Variants in MDGA2 observed in about 807,000 individuals in gnomAD.
MDGA2 encodes MAM domain containing glycosylphosphatidylinositol anchor 2, also known as MAM domain-containing glycosylphosphatidylinositol anchor protein 2.
MDGA2 carries 40 observed loss-of-function variants against 117.8 expected under a neutral mutation model. The ratio of observed to expected loss-of-function variants is 0.34; its 90% CI spans 0.26 to 0.44. The LOEUF is 0.44. MDGA2 is among the 20% of genes least tolerant of loss of function. MDGA2 has a pLI of 1.00. For missense variants in MDGA2, 1,123 were observed against 1,250.6 expected, an observed-to-expected ratio of 0.90 and a Z score of 1.54; for synonymous variants, 452 against 439.0, an observed-to-expected ratio of 1.03 and a Z score of -0.37.
At chr14:46,866,977 A>G (rs1336574874) in intron 14 of MDGA2, among the ~76,000 whole-genome samples, 2 of 152,100 alleles carry the variant, frequency 1.3e-5, no homozygotes, top group East Asian at 1.9e-4. Context: ...TGTGGAAGTC[A>G]GTGTGGCGAT....
At position 47,323,318 on chromosome 14, in the gene MDGA2, T is replaced by C. The variant is rs996506813; in HGVS notation, c.281-21768A>G. 2.6e-5 allele frequency among the ~76,000 whole-genome samples: 4 copies of C among 151,820 alleles called. No homozygotes were observed. The East Asian group carries it at 7.8e-4, about 29-fold the overall frequency. ...TTAGTAGATGTGATGAAATTGATGG[T>C]TCATTTCCTACATAAAAGACAAACA... On this transcript the variant is annotated intron_variant, in intron 1 of 16. Transcript: ENST00000399232.
intron 1 of MDGA2, among the ~76,000 whole-genome samples, chr14:47,358,106 T>C (rs1183557762): frequency 1.3e-5 from 2 of 152,138 alleles, no homozygotes; most frequent in African/African-American, 2.4e-5. Context: ...CATGCCTGAA[T>C]TGGGGATGAA....
At chr14:46,972,177 G>C (rs959289874) in intron 8 of MDGA2, among the ~76,000 whole-genome samples, 1 of 152,076 alleles carries the variant, frequency 6.6e-6, no homozygotes, top group Non-Finnish European at 1.5e-5. Context: ...TAACTTGTAG[G>C]ATGTATGCTA....
At chr14:47,589,422 A>T (rs1394181294) in intron 1 of MDGA2, among the ~76,000 whole-genome samples, 1 of 152,140 alleles carries the variant, frequency 6.6e-6, no homozygotes, top group East Asian at 1.9e-4. Context: ...TCCCAGTACC[A>T]TTATTAGTTC....
At chr14:47,462,295 G>C (rs2138594249) in intron 1 of MDGA2, among the ~76,000 whole-genome samples, 1 of 147,674 alleles carries the variant, frequency 6.8e-6, no homozygotes, top group South Asian at 2.1e-4. Flanking sequence ...AGAATGATGG[G>C]AACCTGGGAA....
At chr14:47,164,929 T>A (rs1355708616) in intron 3 of MDGA2, among the ~76,000 whole-genome samples, 1 of 152,122 alleles carries the variant, frequency 6.6e-6, no homozygotes, top group Non-Finnish European at 1.5e-5. Context: ...CCATAAAAAA[T>A]GATGAGTTCC....
chr14:47,516,765 G>C (rs1260738534), intron 1 of MDGA2, among the ~76,000 whole-genome samples: 1 of 152,174 alleles, frequency 6.6e-6, no homozygotes, highest in Non-Finnish European at 1.5e-5. Flanking sequence ...TTTAGATCAA[G>C]ATGTACATCA....
At chr14:47,672,354 G>T (rs1377452594) in intron 1 of MDGA2, among the ~76,000 whole-genome samples, 2 of 152,150 alleles carry the variant, frequency 1.3e-5, no homozygotes, top group African/African-American at 4.8e-5. Flanking sequence ...CAGCTCAGTA[G>T]CAGAACTGCC....
At chr14:47,630,260 T>C (rs1026097394) in intron 1 of MDGA2, among the ~76,000 whole-genome samples, 2 of 152,138 alleles carry the variant, frequency 1.3e-5, no homozygotes, top group South Asian at 4.1e-4. Flanking sequence ...AAGTTACATA[T>C]TTTTATAAGT....
intron 3 of MDGA2, among the ~76,000 whole-genome samples, chr14:47,188,454 G>A (rs146221068): frequency 4.1e-4 from 62 of 152,280 alleles, no homozygotes; most frequent in African/African-American, 1.3e-3. Flanking sequence ...CAACAATCAC[G>A]TGAGTAAGCT....
intron 1 of MDGA2, among the ~76,000 whole-genome samples, chr14:47,416,756 G>C (rs568247404): frequency 9.2e-5 from 14 of 152,238 alleles, no homozygotes; most frequent in African/African-American, 2.9e-4. Context: ...CCTCTGGAGA[G>C]AGCTTCTGCA....
chr14:47,200,687 T>G, intron 3 of MDGA2: 1 of 1,017,904 alleles, frequency 9.8e-7, no homozygotes, highest in Non-Finnish European at 1.5e-6. Context: ...CTTCCAGTAC[T>G]GGATCTTGGC....
intron 1 of MDGA2, among the ~76,000 whole-genome samples, chr14:47,566,603 A>G (rs1037905191): frequency 6.6e-6 from 1 of 151,954 alleles, no homozygotes; most frequent in Non-Finnish European, 1.5e-5. Context: ...TCAAGTTTCC[A>G]TGGGGGTTGG....
intron 3 of MDGA2, among the ~76,000 whole-genome samples, chr14:47,173,060 T>C (rs1013516110): frequency 1.3e-5 from 2 of 151,694 alleles, no homozygotes; most frequent in African/African-American, 4.8e-5. Context: ...TGATGGAAGA[T>C]GAAATGAATG....
chr14:47,263,185 C>T (rs1887855431), intron 2 of MDGA2, among the ~76,000 whole-genome samples: 1 of 150,548 alleles, frequency 6.6e-6, no homozygotes, highest in Non-Finnish European at 1.5e-5. Flanking sequence ...TCTGGCACTG[C>T]ATAGTTGGGT....
intron 1 of MDGA2, among the ~76,000 whole-genome samples, chr14:47,595,795 C>T (rs1385854179): frequency 6.6e-6 from 1 of 152,150 alleles, no homozygotes; most frequent in Non-Finnish European, 1.5e-5. Context: ...ATAGTGATCT[C>T]TGCCCCATAA....
intron 5 of MDGA2, among the ~76,000 whole-genome samples, chr14:47,129,892 T>A (rs1191620829): frequency 6.7e-6 from 1 of 149,256 alleles, no homozygotes; most frequent in Non-Finnish European, 1.5e-5. Flanking sequence ...AATGTCTTCT[T>A]TTGAGAAGTG....
At chr14:46,966,904 T>C (rs1314572986) in intron 8 of MDGA2, among the ~76,000 whole-genome samples, 1 of 141,104 alleles carries the variant, frequency 7.1e-6, no homozygotes, top group Non-Finnish European at 1.6e-5. Context: ...TGTTTATTTG[T>C]GTGTATTTCT....
intron 1 of MDGA2, among the ~76,000 whole-genome samples, chr14:47,333,543 C>A (rs1489055250): frequency 5.9e-5 from 9 of 151,718 alleles, no homozygotes; most frequent in Non-Finnish European, 1.2e-4. Context: ...AATGATCAGA[C>A]AATTTTTATT....
Sources: allele counts gnomAD v4.1 joint callset (sites outside exome capture counted in the v4.1 genomes callset), GRCh38; gene constraint gnomAD v4.1.1; transcripts MANE v1.5; gene names NCBI Gene and HGNC (gene_info 2026-07-23, HGNC 2026-07-21).